The following ZNF469 variants were observed in gnomAD, a reference collection of about 807,000 sequenced individuals.
ZNF469 encodes the protein zinc finger protein 469.
In ZNF469, 1 loss-of-function variant was observed where a neutral mutation model predicts 1.0. The observed-to-expected ratio is 1.00, with a 90% CI of 0.35 to 4.73. The LOEUF is 4.73. Among genes scored for constraint, ZNF469 ranks in the 30% most tolerant of loss-of-function variants. The probability of loss-of-function intolerance (pLI) is 0.16; values close to 1 mark genes in which losing one functional copy is unlikely to be tolerated. For synonymous variants in ZNF469, 2,703 were observed against 2,363.4 expected (o/e 1.14, Z -4.17); for missense variants, 6,100 against 5,356.3 (o/e 1.14, Z -4.33).
At chr16:88,370,270 G>C in the ZNF469 span, among the ~76,000 whole-genome samples, 2 of 152,196 alleles carry the variant, frequency 1.3e-5, no homozygotes, top group Non-Finnish European at 2.9e-5. Context: ...GAGAGCATAT[G>C]TATTTAAACT....
chr16:88,329,745 TAAC>T, the ZNF469 span, among the ~76,000 whole-genome samples: 2 of 152,170 alleles, frequency 1.3e-5, no homozygotes, highest in Admixed American at 1.3e-4. Flanking sequence ...GAAAAGTTCT[TAAC>T]AACATTTGTG....
In ZNF469 at chr16:88,429,792, C is replaced by T. The variant is rs1477401083; in HGVS notation, c.2322C>T (p.Pro774=). 3.2e-6 allele frequency: 5 copies of T among 1,544,724 alleles called. No homozygotes were observed. Among genetic ancestry groups the T allele is most frequent in the African/African-American group, 1.4e-5 (1 of 72,940 alleles). ...HQRSPGPPGL[P]SPPAAPRVPA... ...GGTCTCCAGGCCCCCCTGGGCTCCC[C>T]TCGCCCCCCGCTGCCCCCAGAGTCC... The change falls in exon 3 of 3, where the codon CCC becomes CCT. Residue 774 remains proline (P), a synonymous_variant. Coordinates refer to ENST00000565624, the MANE Select transcript of ZNF469 (RefSeq NM_001367624.2).
the ZNF469 span, among the ~76,000 whole-genome samples, chr16:88,326,471 G>A: frequency 2.6e-5 from 4 of 152,122 alleles, no homozygotes; most frequent in African/African-American, 7.2e-5. Flanking sequence ...AATACACTTC[G>A]AGACACTCTC....
At chr16:88,381,427 C>A (rs1320580412), upstream of ZNF469, among the ~76,000 whole-genome samples, 2 of 139,028 alleles carry the variant, frequency 1.4e-5, no homozygotes, top group African/African-American at 5.0e-5. Context: ...CACTCTCTCA[C>A]ACACACACAC....
At chr16:88,270,943 C>G in the ZNF469 span, among the ~76,000 whole-genome samples, 1 of 152,260 alleles carries the variant, frequency 6.6e-6, no homozygotes, top group African/African-American at 2.4e-5. Flanking sequence ...TGGGTCCCCC[C>G]TCTCGGGGCT....
chr16:88,263,604 G>C, the ZNF469 span, among the ~76,000 whole-genome samples: 1 of 152,176 alleles, frequency 6.6e-6, no homozygotes, highest in Non-Finnish European at 1.5e-5. Context: ...GGTGGATTGG[G>C]ACTTTGCTGA....
At chr16:88,422,190 G>A (rs12930682) in intron 1 of ZNF469, among the ~76,000 whole-genome samples, 115,136 of 139,460 alleles carry the variant, frequency 0.83, 49,252 homozygotes, top group South Asian at 0.96. Flanking sequence ...ATGGGGGGAC[G>A]GGCACGTGGA....
At chr16:88,384,331 C>T (rs986730778) in intron 1 of ZNF469, among the ~76,000 whole-genome samples, 1 of 152,208 alleles carries the variant, frequency 6.6e-6, no homozygotes, top group African/African-American at 2.4e-5. Flanking sequence ...TGTCTTGAGG[C>T]CCTCTCAGTG....
Position 88,435,937 on chromosome 16 carries a change from G to C in ZNF469, c.8467G>C (p.Asp2823His). The C allele has an allele frequency of 1.3e-6, 2 of 1,550,026 alleles. No homozygotes were observed. The highest frequency in any genetic ancestry group is 1.7e-6 in the Non-Finnish European group (2 of 1,146,972). Residue 2823 changes from aspartate to histidine, a missense_variant, in exon 3 of 3, where the codon GAC becomes CAC. Transcript: ENST00000565624. The part of the protein sequence containing the change: ...TTSSCLQGLP[D>H]NPDTQGGVQG... Reference sequence around the variant, plus strand: ...CAGCAGCTGCCTCCAGGGCCTCCCGGACAACCCAGACACCCAGGGTGGAGT... The same window carrying C: ...CAGCAGCTGCCTCCAGGGCCTCCCGCACAACCCAGACACCCAGGGTGGAGT...
At position 88,435,879 on chromosome 16, in the gene ZNF469, C is replaced by A; in HGVS notation, c.8409C>A (p.Pro2803=). Residue 2803 remains proline, a synonymous_variant, in exon 3 of 3, where the codon CCC becomes CCA. Transcript: ENST00000565624. ...CCCCCTTGGGCCCCCTGGGTTTTCCCGAGACTTCCAGCTCTCCGGCGGACA... is the reference window on the plus strand; with the variant it reads ...CCCCCTTGGGCCCCCTGGGTTTTCCAGAGACTTCCAGCTCTCCGGCGGACA... ...NTPPLGPLGF[P]ETSSSPADST... 2 of 1,550,158 alleles carry A rather than the reference C, an allele frequency of 1.3e-6. No homozygotes were observed. The highest frequency in any genetic ancestry group is 2.4e-5 in the East Asian group (1 of 40,910).
upstream of ZNF469, among the ~76,000 whole-genome samples, chr16:88,380,232 TG>T (rs2092517494): frequency 9.5e-6 from 1 of 105,026 alleles, no homozygotes; most frequent in Non-Finnish European, 2.0e-5. Flanking sequence ...CTCACAGACA[TG>T]CACTCACACA....
the ZNF469 span, among the ~76,000 whole-genome samples, chr16:88,185,607 G>A: frequency 1.2e-4 from 18 of 150,368 alleles, no homozygotes; most frequent in Admixed American, 2.0e-4. Flanking sequence ...CATGTGCCCA[G>A]ACCTACAGAC....
At position 88,430,675 on chromosome 16, in the gene ZNF469, G is replaced by A; in HGVS notation, c.3205G>A (p.Ala1069Thr). 2 of 1,493,186 alleles carry A rather than the reference G, an allele frequency of 1.3e-6. No homozygotes were observed. The highest frequency in any genetic ancestry group is 2.5e-5 in the South Asian group (2 of 78,902). The allele number at this position is 1,493,186 out of a possible 1,614,324, so 92.5% of individuals were successfully genotyped here. A position where few individuals can be genotyped will look rare whatever the true frequency, so the allele number is the denominator to read the frequency against. Residue 1069 changes from alanine (A) to threonine (T), a missense_variant, in exon 3 of 3, where the codon GCG (alanine) becomes ACG (threonine). Coordinates refer to ENST00000565624, the MANE Select transcript of ZNF469 (RefSeq NM_001367624.2). ...NRRHRRLGRR[A>T]GRCGSLAAGR... ...GCGCCACCGGCGGCTGGGGCGGCGGGCGGGCAGGTGCGGCTCCCTGGCGGC... is the reference window on the plus strand; with the variant it reads ...GCGCCACCGGCGGCTGGGGCGGCGGACGGGCAGGTGCGGCTCCCTGGCGGC...
Position 88,429,988 on chromosome 16 carries a change from C to T in ZNF469, c.2518C>T (p.Leu840=). 5.8e-6 allele frequency: 9 copies of T among 1,550,380 alleles called. No homozygotes were observed. Among genetic ancestry groups the T allele is most frequent in the Non-Finnish European group, 7.8e-6 (9 of 1,146,972 alleles). The change falls in exon 3 of 3, where the codon CTG becomes TTG. Residue 840 remains leucine (L), a synonymous_variant. Coordinates refer to ENST00000565624, the MANE Select transcript of ZNF469 (RefSeq NM_001367624.2). Reference sequence around the variant, plus strand: ...CCTGGACATGGAGGATGACGCCAAGCTGGACAGCCTCATCACAGAGGCGCT... The same window carrying T: ...CCTGGACATGGAGGATGACGCCAAGTTGGACAGCCTCATCACAGAGGCGCT... ...SDLDMEDDAK[L]DSLITEALNG...
the ZNF469 span, among the ~76,000 whole-genome samples, chr16:88,229,667 T>TCG: frequency 6.9e-6 from 1 of 144,364 alleles, no homozygotes; most frequent in African/African-American, 2.6e-5. Flanking sequence ...CGTGTGGATG[T>TCG]CGCGTGTGTG....
At chr16:88,296,484 CAT>C in the ZNF469 span, among the ~76,000 whole-genome samples, 5 of 148,422 alleles carry the variant, frequency 3.4e-5, no homozygotes, top group Admixed American at 2.7e-4. Context: ...CACAAACACA[CAT>C]ATGTGCACAC....
chr16:88,370,959 G>C, the ZNF469 span, among the ~76,000 whole-genome samples: 1 of 152,212 alleles, frequency 6.6e-6, no homozygotes, highest in African/African-American at 2.4e-5. Flanking sequence ...CTGGAGGATG[G>C]GAGGCACGCG....
chr16:88,247,504 G>GT, the ZNF469 span, among the ~76,000 whole-genome samples: 13,692 of 151,244 alleles, frequency 0.091, 873 homozygotes, highest in East Asian at 0.28. Context: ...CAGTGAGTGA[G>GT]GGAATGAGTG....
the ZNF469 span, among the ~76,000 whole-genome samples, chr16:88,138,610 G>C: frequency 6.6e-6 from 1 of 152,198 alleles, no homozygotes; most frequent in South Asian, 2.1e-4. Flanking sequence ...ATGAAAGGTT[G>C]GTTCTGCAAA....
Sources: gnomAD v4.1 joint callset for allele counts (sites outside exome capture counted in the v4.1 genomes callset) on GRCh38, gnomAD v4.1.1 for gene constraint, MANE v1.5 for transcripts, NCBI Gene and HGNC (gene_info 2026-07-23, HGNC 2026-07-21) for gene names.